ERBB4: variants seen among roughly 807,000 people sequenced by gnomAD.
ERBB4 encodes erb-b2 receptor tyrosine kinase 4, also known as receptor tyrosine-protein kinase erbB-4.
Under a neutral mutation model 158.0 loss-of-function variants are expected in ERBB4, and 42 were observed. The ratio of observed to expected loss-of-function variants is 0.27; its 90% CI spans 0.21 to 0.34. The LOEUF (loss-of-function observed/expected upper bound fraction) is 0.34, where lower values mean the gene tolerates loss of function less well. Ranked by LOEUF, ERBB4 falls within the 10% of genes least tolerant of loss-of-function variation. The pLI is 1.00. For missense variants in ERBB4, 1,333 were observed against 1,624.1 expected (o/e 0.82, Z 3.08); for synonymous variants, 583 against 558.7 (o/e 1.04, Z -0.61).
intron 20 of ERBB4, among the ~76,000 whole-genome samples, chr2:211,490,245 A>C (rs116521316): frequency 6.6e-6 from 1 of 152,176 alleles, no homozygotes; most frequent in East Asian, 1.9e-4. Context: ...CTTCTGAACT[A>C]TGTCTATGTA....
chr2:212,220,231 G>A (rs936805644), intron 1 of ERBB4, among the ~76,000 whole-genome samples: 6 of 151,430 alleles, frequency 4.0e-5, no homozygotes, highest in African/African-American at 1.4e-4. Context: ...ATATTTTTGA[G>A]TATATAAGAA....
chr2:211,747,175 A>G (rs2075001628), intron 5 of ERBB4, among the ~76,000 whole-genome samples: 1 of 152,200 alleles, frequency 6.6e-6, no homozygotes, highest in Non-Finnish European at 1.5e-5. Context: ...TGACTGGCCC[A>G]GTCTAGTCAA....
At chr2:212,307,627 G>A (rs1358321062) in intron 1 of ERBB4, among the ~76,000 whole-genome samples, 1 of 150,842 alleles carries the variant, frequency 6.6e-6, no homozygotes, top group Non-Finnish European at 1.5e-5. Context: ...AGAGAATTGA[G>A]GAGAATAAAC....
intron 2 of ERBB4, among the ~76,000 whole-genome samples, chr2:212,036,610 GC>G (rs1013935264): frequency 6.6e-6 from 1 of 151,810 alleles, no homozygotes; most frequent in Non-Finnish European, 1.5e-5. Context: ...GACTACAGGT[GC>G]CCGCCACCAC....
chr2:212,121,650 T>C (rs1271404232), intron 2 of ERBB4, among the ~76,000 whole-genome samples: 1 of 152,218 alleles, frequency 6.6e-6, no homozygotes, highest in Non-Finnish European at 1.5e-5. Flanking sequence ...TCTCTACCTC[T>C]CCAGTGGAGT....
chr2:211,587,695 G>T (rs1320619094), intron 19 of ERBB4, among the ~76,000 whole-genome samples: 2 of 151,976 alleles, frequency 1.3e-5, no homozygotes, highest in African/African-American at 4.8e-5. Flanking sequence ...ATTGGAAGAA[G>T]ATCCTAAGAT....
intron 2 of ERBB4, among the ~76,000 whole-genome samples, chr2:212,079,056 C>T (rs1425968722): frequency 6.6e-6 from 1 of 150,874 alleles, no homozygotes; most frequent in Non-Finnish European, 1.5e-5. Flanking sequence ...AAGCATAATT[C>T]ACTTACCTAT....
rs1288659164 is a variant in ERBB4 at position 211,946,903 on chromosome 2, T to C, written c.421+527A>G. On this transcript the variant is annotated intron_variant, in intron 3 of 27. Transcript: ENST00000342788. The stretch of plus-strand genomic sequence containing the variant: ...TCTTAATGAGAAAAACCTACTCTGA[T>C]GATCTGATGTTATTGAAGTATTCTG... 3.3e-5 allele frequency among the ~76,000 whole-genome samples: 5 copies of C among 152,104 alleles called. No individual in the cohort carries two copies. In the East Asian group the frequency reaches 9.6e-4, roughly 29 times the overall value.
At chr2:211,727,953 A>G (rs2074318293) in intron 5 of ERBB4, among the ~76,000 whole-genome samples, 1 of 151,944 alleles carries the variant, frequency 6.6e-6, no homozygotes, top group South Asian at 2.1e-4. Flanking sequence ...TTGTGAACGT[A>G]TATTTTGTAT....
chr2:211,408,108 T>A (rs760773736), intron 25 of ERBB4, among the ~76,000 whole-genome samples: 17 of 152,272 alleles, frequency 1.1e-4, no homozygotes, highest in Middle Eastern at 3.4e-3. Context: ...AATAAATACA[T>A]ACATACATAA....
intron 2 of ERBB4, among the ~76,000 whole-genome samples, chr2:212,097,523 T>C (rs1304213724): frequency 6.6e-6 from 1 of 152,032 alleles, no homozygotes; most frequent in Non-Finnish European, 1.5e-5. Flanking sequence ...CAGAAATAAA[T>C]GTGGATTTAA....
intron 1 of ERBB4, among the ~76,000 whole-genome samples, chr2:212,433,554 TAATACAACTTTCAG>T (rs1055356814): frequency 7.2e-5 from 11 of 152,000 alleles, no homozygotes; most frequent in African/African-American, 2.7e-4. Flanking sequence ...GGTGTTCCTT[TAATACAACTTTCAG>T]GCCTCATTTA....
At chr2:212,081,811 A>G (rs1276718795) in intron 2 of ERBB4, among the ~76,000 whole-genome samples, 2 of 152,100 alleles carry the variant, frequency 1.3e-5, no homozygotes, top group African/African-American at 4.8e-5. Flanking sequence ...ATATGTAGGT[A>G]CTTAAAGGGC....
Position 211,611,211 on chromosome 2 carries a change from C to A in ERBB4, c.2301+7966G>T, listed in dbSNP as rs768049683. Reference sequence around the variant, plus strand: ...CAAGCTAAGGGATTGAAACTTCAACCAATCATATAGGGAGTTTAAGCTACA... The same window carrying A: ...CAAGCTAAGGGATTGAAACTTCAACAAATCATATAGGGAGTTTAAGCTACA... On this transcript the variant is annotated intron_variant, in intron 19 of 27. Coordinates refer to ENST00000342788, the MANE Select transcript of ERBB4 (RefSeq NM_005235.3). Among the ~76,000 whole-genome samples the A allele has an allele frequency of 2.6e-5, 4 of 152,084 alleles. 1 individual carries two copies. In the Middle Eastern group the frequency reaches 0.01, roughly 388 times the overall value.
At chr2:211,822,886 C>T (rs1365962658) in intron 3 of ERBB4, among the ~76,000 whole-genome samples, 1 of 151,914 alleles carries the variant, frequency 6.6e-6, no homozygotes, top group Non-Finnish European at 1.5e-5. Flanking sequence ...TTTTCTTTGG[C>T]CAGGGGAGTG....
intron 1 of ERBB4, among the ~76,000 whole-genome samples, chr2:212,423,426 T>A (rs2091842334): frequency 6.6e-6 from 1 of 152,176 alleles, no homozygotes; most frequent in Non-Finnish European, 1.5e-5. Flanking sequence ...ACTAGTAATG[T>A]CAAGAGTTGG....
intron 3 of ERBB4, among the ~76,000 whole-genome samples, chr2:211,840,871 T>TGTGC (rs2077454924): frequency 1.3e-5 from 2 of 151,932 alleles, no homozygotes; most frequent in African/African-American, 4.8e-5. Flanking sequence ...AACAATGGGG[T>TGTGC]ATGCAATTTA....
chr2:211,661,963 C>T (rs1418543918), intron 15 of ERBB4, among the ~76,000 whole-genome samples: 2 of 129,598 alleles, frequency 1.5e-5, no homozygotes, highest in Admixed American at 9.1e-5. Context: ...GGCGTGAACC[C>T]GGGAGGCGGA....
chr2:212,371,655 G>GTA (rs1005961715), intron 1 of ERBB4, among the ~76,000 whole-genome samples: 1 of 152,178 alleles, frequency 6.6e-6, no homozygotes, highest in African/African-American at 2.4e-5. Context: ...CAGATGGTCA[G>GTA]TTAAGCAATT....
Sources: allele counts gnomAD v4.1 joint callset (sites outside exome capture counted in the v4.1 genomes callset), GRCh38; gene constraint gnomAD v4.1.1; transcripts MANE v1.5; gene names NCBI Gene and HGNC (gene_info 2026-07-23, HGNC 2026-07-21).